Variants in ZNF197 observed in about 807,000 individuals in gnomAD.
ZNF197 encodes zinc finger protein 197, also known as VHL-associated KRAB-A domain-containing protein.
Under a neutral mutation model 27.4 loss-of-function variants are expected in ZNF197, and 14 were observed. The observed-to-expected ratio is 0.51, with a 90% CI of 0.34 to 0.80. ZNF197 has a LOEUF of 0.80. ZNF197 is among the 30% of genes least tolerant of loss of function. The probability of loss-of-function intolerance (pLI) is 0.02; values close to 1 mark genes in which losing one functional copy is unlikely to be tolerated. For missense variants in ZNF197, 1,090 were observed against 1,222.6 expected (o/e 0.89, Z 1.62); for synonymous variants, 415 against 420.0 (o/e 0.99, Z 0.15).
chr3:44,641,384 C>T (rs538274871), intron 5 of ZNF197, among the ~76,000 whole-genome samples: 1 of 152,254 alleles, frequency 6.6e-6, no homozygotes, highest in East Asian at 1.9e-4. Flanking sequence ...CAATGGATTT[C>T]TTTTCTGTTG....
chr3:44,646,851 G>A lies in ZNF197; in HGVS notation c.*2631G>A. 3.7e-6 allele frequency: 1 copy of A among 272,070 alleles called. No individual in the cohort carries two copies. Among genetic ancestry groups the A allele is most frequent in the South Asian group, 5.9e-5 (1 of 17,014 alleles). The allele number at this position is 272,070 out of a possible 1,614,324, so 16.9% of individuals were successfully genotyped here. A position where few individuals can be genotyped will look rare whatever the true frequency, so the allele number is the denominator to read the frequency against. On this transcript the variant is annotated 3_prime_UTR_variant, in exon 6 of 6. Transcript: ENST00000344387. The stretch of plus-strand genomic sequence containing the variant: ...GGCAAAAGCAATTCAATGGAGGAGG[G>A]ATCGCCTTTTCAGCAAATACTGTTG...
chr3:44,634,884 A>G (rs977050714), intron 5 of ZNF197, among the ~76,000 whole-genome samples: 2 of 151,206 alleles, frequency 1.3e-5, no homozygotes, highest in Non-Finnish European at 1.5e-5. Context: ...TGGCAGCCTC[A>G]CTATGCTGCC....
rs754520735 is a variant in ZNF197 at position 44,645,544 on chromosome 3, G to C, written c.*1324G>C. 7 of 985,180 alleles carry C rather than the reference G, an allele frequency of 7.1e-6. No homozygotes were observed. Among genetic ancestry groups the C allele is most frequent in the African/African-American group, 3.5e-5 (2 of 57,204 alleles). 61.0% of individuals were successfully genotyped at this position (985,180 alleles called of 1,614,324 possible). The stretch of plus-strand genomic sequence containing the variant: ...GCCAAGGAAAACAATTTATTTCCCA[G>C]CTTTTGAATTTGAAACTTAACAGAT... On this transcript the variant is annotated 3_prime_UTR_variant, in exon 6 of 6. Transcript: ENST00000344387.
rs1702972494 is a variant in ZNF197, at chr3:44,646,603, A to T, written c.*2383A>T. 1 of 842,032 alleles carries T rather than the reference A, an allele frequency of 1.2e-6. No individual in the cohort carries two copies. Among genetic ancestry groups the T allele is most frequent in the Non-Finnish European group, 2.0e-6 (1 of 491,084 alleles). The allele number at this position is 842,032 out of a possible 1,614,324, so 52.2% of individuals were successfully genotyped here. On this transcript the variant is annotated 3_prime_UTR_variant, in exon 6 of 6. Coordinates refer to ENST00000344387, the MANE Select transcript of ZNF197 (RefSeq NM_006991.5). ...GCTGCCCTGGATTCTTCAAAATATT[A>T]TTATGATGAAAAAGAGAGGGGAGTG...
chr3:44,646,719 T>C lies in ZNF197; in HGVS notation c.*2499T>C, dbSNP rs1454886674. The C allele has an allele frequency of 5.6e-6, 3 of 531,276 alleles. No homozygotes were observed. The highest frequency in any genetic ancestry group is 6.7e-6 in the Non-Finnish European group (2 of 298,788). 32.9% of individuals were successfully genotyped at this position (531,276 alleles called of 1,614,324 possible). On this transcript the variant is annotated 3_prime_UTR_variant, in exon 6 of 6. Coordinates refer to ENST00000344387, the MANE Select transcript of ZNF197 (RefSeq NM_006991.5). ...TATGAAAATTTCGATATGAAAGGTA[T>C]AAAACATGGATGAGGAGGCTTGTTT...
In ZNF197 at chr3:44,643,144, C is replaced by T. The variant is rs1455399297; in HGVS notation, c.2014C>T (p.His672Tyr). The change falls in exon 6 of 6, where the codon CAC becomes TAC. Residue 672 changes from histidine (H) to tyrosine (Y), a missense_variant. Transcript: ENST00000344387. ...KKSLILHQRFHTGENLYECKD... is the reference protein window; with the variant it reads ...KKSLILHQRFYTGENLYECKD... Reference sequence around the variant, plus strand: ...GAGCCTCATTTTACATCAAAGGTTCCACACTGGAGAGAATCTCTATGAATG... The same window carrying T: ...GAGCCTCATTTTACATCAAAGGTTCTACACTGGAGAGAATCTCTATGAATG... 1.2e-6 allele frequency: 2 copies of T among 1,612,262 alleles called. No homozygotes were observed. The highest frequency in any genetic ancestry group is 1.7e-5 in the Admixed American group (1 of 59,548).
chr3:44,635,185 C>G (rs1186705818), intron 5 of ZNF197, among the ~76,000 whole-genome samples: 1 of 143,766 alleles, frequency 7.0e-6, no homozygotes, highest in Non-Finnish European at 1.5e-5. Flanking sequence ...AAAAAAAAAC[C>G]AATAAAATAA....
chr3:44,633,555 C>T (rs1332250795), intron 5 of ZNF197, among the ~76,000 whole-genome samples: 1 of 152,206 alleles, frequency 6.6e-6, no homozygotes, highest in Non-Finnish European at 1.5e-5. Flanking sequence ...GTAGAATTCT[C>T]TTTGGAGAAA....
chr3:44,632,333 ACATG>A, intron 4 of ZNF197, 136 bp from the exon 5 acceptor site: 1 of 1,484,474 alleles, frequency 6.7e-7, no homozygotes, highest in Non-Finnish European at 9.3e-7. Flanking sequence ...GACAGACTTT[ACATG>A]TGATCTCCTT....
intron 5 of ZNF197, among the ~76,000 whole-genome samples, chr3:44,633,315 A>T (rs771413962): frequency 2.0e-5 from 3 of 152,248 alleles, no homozygotes; most frequent in Non-Finnish European, 4.4e-5. Flanking sequence ...TTAAATACCT[A>T]TCATGGTACA....
At chr3:44,632,011 C>T in intron 3 of ZNF197, 94 bp from the exon 4 acceptor site, 1 of 1,148,110 alleles carries the variant, frequency 8.7e-7, no homozygotes, top group Admixed American at 1.7e-5. Context: ...TTGTATCATT[C>T]TTACTGCTAC....
At position 44,647,329 on chromosome 3, in the gene ZNF197, G is replaced by GA. The variant is rs1360354002; in HGVS notation, c.*3112dup. 6.6e-6 allele frequency: 1 copy of GA among 151,756 alleles called. No individual in the cohort carries two copies. Among genetic ancestry groups the GA allele is most frequent in the African/African-American group, 2.4e-5 (1 of 41,300 alleles). The allele number at this position is 151,756 out of a possible 1,614,324, so 9.4% of individuals were successfully genotyped here. A position where few individuals can be genotyped will look rare whatever the true frequency, so the allele number is the denominator to read the frequency against. ...TGGTAACTGCTGGCAAGGATGAAGAGAAACAGGATCTCATACATTGCTGGG... is the reference window on the plus strand; with the variant it reads ...TGGTAACTGCTGGCAAGGATGAAGAGAAAACAGGATCTCATACATTGCTGGG... On this transcript the variant is annotated 3_prime_UTR_variant, in exon 6 of 6. Transcript: ENST00000344387.
chr3:44,635,168 T>TA (rs35139527), intron 5 of ZNF197, among the ~76,000 whole-genome samples: 340 of 129,486 alleles, frequency 2.6e-3, no homozygotes, highest in Middle Eastern at 0.012. Context: ...AGAGTTAAAC[T>TA]AAAAAAAAAA....
intron 5 of ZNF197, among the ~76,000 whole-genome samples, chr3:44,637,184 A>G (rs1333741258): frequency 6.6e-6 from 1 of 152,104 alleles, no homozygotes; most frequent in Non-Finnish European, 1.5e-5. Flanking sequence ...GCTGGAGTGT[A>G]GTGGTGTGAT....
rs1703018756 is a variant in ZNF197, at chr3:44,647,419, T to C, written c.*3199T>C. The C allele has an allele frequency of 6.6e-6, 1 of 152,190 alleles. No individual in the cohort carries two copies. The highest frequency in any genetic ancestry group is 1.5e-5 in the Non-Finnish European group (1 of 68,034). 9.4% of individuals were successfully genotyped at this position (152,190 alleles called of 1,614,324 possible). On this transcript the variant is annotated 3_prime_UTR_variant, in exon 6 of 6. Coordinates refer to ENST00000344387, the MANE Select transcript of ZNF197 (RefSeq NM_006991.5). ...AGTTTCTTGTAAAACCACACATGTATATGTCATGCTTCAGGAATTGCACTT... is the reference window on the plus strand; with the variant it reads ...AGTTTCTTGTAAAACCACACATGTACATGTCATGCTTCAGGAATTGCACTT...
chr3:44,633,336 T>A (rs937311210), intron 5 of ZNF197, among the ~76,000 whole-genome samples: 1 of 152,178 alleles, frequency 6.6e-6, no homozygotes. Flanking sequence ...GCTGTGAAAA[T>A]GATGTGATTC....
At chr3:44,628,975 C>A in intron 1 of ZNF197, 99 bp from the exon 2 acceptor site, 1 of 839,754 alleles carries the variant, frequency 1.2e-6, no homozygotes, top group Non-Finnish European at 1.8e-6. Context: ...CACAAAGGTT[C>A]TCTTTATTAC....
In ZNF197 at chr3:44,645,488, A is replaced by G; in HGVS notation, c.*1268A>G. ...ATATATCTAGTTTATGTATATGGAA[A>G]AAAATGTTATGGCCAGCCATTAACA... On this transcript the variant is annotated 3_prime_UTR_variant, in exon 6 of 6. Coordinates refer to ENST00000344387, the MANE Select transcript of ZNF197 (RefSeq NM_006991.5). 2 of 985,420 alleles carry G rather than the reference A, an allele frequency of 2.0e-6. No individual in the cohort carries two copies. The highest frequency in any genetic ancestry group is 2.4e-6 in the Non-Finnish European group (2 of 829,930). 61.0% of individuals were successfully genotyped at this position (985,420 alleles called of 1,614,324 possible).
chr3:44,637,327 C>T (rs551305177), intron 5 of ZNF197, among the ~76,000 whole-genome samples: 7 of 152,120 alleles, frequency 4.6e-5, no homozygotes, highest in South Asian at 2.1e-4. Context: ...AGAGTCTTAC[C>T]GTGTTGCCCA....
Sources: gnomAD v4.1 joint callset for allele counts (sites outside exome capture counted in the v4.1 genomes callset) on GRCh38, gnomAD v4.1.1 for gene constraint, MANE v1.5 for transcripts, NCBI Gene and HGNC (gene_info 2026-07-23, HGNC 2026-07-21) for gene names.